Variants in ATAD2 observed in about 807,000 individuals in gnomAD.
The protein encoded by ATAD2 is ATPase family AAA domain containing 2.
A neutral mutation model predicts 168.9 loss-of-function variants in ATAD2; 62 were observed. The observed-to-expected ratio is 0.37, with a 90% confidence interval of 0.30 to 0.45. ATAD2 has a LOEUF of 0.45. ATAD2 is among the 20% of genes least tolerant of loss of function. ATAD2 has a pLI of 1.00. For missense variants in ATAD2, 1,419 were observed against 1,667.8 expected, an observed-to-expected ratio of 0.85 and a Z score of 2.60; for synonymous variants, 613 against 571.6, an observed-to-expected ratio of 1.07 and a Z score of -1.03.
chr8:123,329,990 T>C (rs1233608908), intron 24 of ATAD2, among the ~76,000 whole-genome samples: 6 of 140,748 alleles, frequency 4.3e-5, no homozygotes, highest in Non-Finnish European at 9.0e-5. Flanking sequence ...TCTTTTTTTT[T>C]TTTTTTTTTT....
intron 16 of ATAD2, 123 bp downstream of exon 16, chr8:123,346,969 G>C: frequency 8.3e-7 from 1 of 1,198,152 alleles, no homozygotes; most frequent in Non-Finnish European, 1.1e-6. Flanking sequence ...AAATATCCCA[G>C]GTAAAGCATT....
chr8:123,369,110 A>G lies in ATAD2; in HGVS notation c.997T>C (p.Tyr333His). 6.3e-7 allele frequency: 1 copy of G among 1,597,964 alleles called. No homozygotes were observed. Among genetic ancestry groups the G allele is most frequent in the South Asian group, 1.1e-5 (1 of 88,984 alleles). ...CTTGGTCCTGCGGAAGATAATCGGTATCTTGGTCTTGCAGGAGAAGCTGGG... is the reference window on the plus strand; with the variant it reads ...CTTGGTCCTGCGGAAGATAATCGGTGTCTTGGTCTTGCAGGAGAAGCTGGG... ...SGPASPARPR[Y>H]RLSSAGPRSP... The change falls in exon 8 of 28, where the codon TAC becomes CAC. Residue 333 changes from tyrosine to histidine, a missense_variant. Physicochemically the swap from Tyr to His is moderately conservative, Grantham distance 83 (BLOSUM62 2). Transcript: ENST00000287394.
At chr8:123,411,354 C>T (rs1225859695) in intron 1 of ATAD2, among the ~76,000 whole-genome samples, 2 of 152,166 alleles carry the variant, frequency 1.3e-5, no homozygotes, top group Admixed American at 1.3e-4. Flanking sequence ...ACAACCCCTA[C>T]TACGCCCCAA....
At position 123,349,394 on chromosome 8, in the gene ATAD2, C is replaced by T. The variant is rs755217431; in HGVS notation, c.1697G>A (p.Gly566Glu). 2 of 1,614,026 alleles carry T rather than the reference C, an allele frequency of 1.2e-6. No individual in the cohort carries two copies. The highest frequency in any genetic ancestry group is 3.3e-5 in the Admixed American group (2 of 59,996). Reference sequence around the variant, plus strand: ...CGTAGCACCAATGACCACAATTTCCCCTCTGCTGTCCAATCCATCCATAAG... The same window carrying T: ...CGTAGCACCAATGACCACAATTTCCTCTCTGCTGTCCAATCCATCCATAAG... ...LALMDGLDSRGEIVVIGATNR... is the reference protein window; with the variant it reads ...LALMDGLDSREEIVVIGATNR... Residue 566 changes from glycine to glutamate, a missense_variant, in exon 14 of 28, where the codon GGG (glycine) becomes GAG (glutamate). Physicochemically the swap from Gly to Glu is moderately conservative, Grantham distance 98. Coordinates refer to ENST00000287394, the MANE Select transcript of ATAD2 (RefSeq NM_014109.4).
At chr8:123,370,210 T>C (rs1235657593) in intron 6 of ATAD2, among the ~76,000 whole-genome samples, 186 bp from the exon 7 acceptor site, 1 of 150,392 alleles carries the variant, frequency 6.6e-6, no homozygotes, top group Non-Finnish European at 1.5e-5. Flanking sequence ...TTTGTAATTC[T>C]TTTCCAACAT....
chr8:123,328,241 C>T lies in ATAD2; in HGVS notation c.3817G>A (p.Asp1273Asn), dbSNP rs1827666095. The change falls in exon 25 of 28, where the codon GAT becomes AAT. Residue 1273 changes from aspartate (D) to asparagine (N), a missense_variant. Physicochemically the swap from Asp to Asn is conservative, Grantham distance 23 (BLOSUM62 1). Around this residue, in one of 5 missense-constraint regions of ATAD2, gnomAD observed 303 missense variants for 304.3 expected, o/e 1.00. Coordinates refer to ENST00000287394, the MANE Select transcript of ATAD2 (RefSeq NM_014109.4). ...ELRDKIACNG[D>N]ASSSQIIHIS... ...TGTATTATCTGAGAGCTAGAAGCATCTCCATTACAAGCAATCTTGTCTCTC... is the reference window on the plus strand; with the variant it reads ...TGTATTATCTGAGAGCTAGAAGCATTTCCATTACAAGCAATCTTGTCTCTC... 1.3e-6 allele frequency: 2 copies of T among 1,486,464 alleles called. No individual in the cohort carries two copies. Among genetic ancestry groups the T allele is most frequent in the African/African-American group, 1.4e-5 (1 of 70,248 alleles). 92.1% of individuals were successfully genotyped at this position (1,486,464 alleles called of 1,614,324 possible).
At chr8:123,342,646 A>G (rs1828096824) in intron 19 of ATAD2, 1 of 152,152 alleles carries the variant, frequency 6.6e-6, no homozygotes, top group African/African-American at 2.4e-5. Context: ...TAAACTGGAA[A>G]CCTTTAAGGA....
In ATAD2 at chr8:123,348,258, G is replaced by C; in HGVS notation, c.1822C>G (p.Leu608Val). Residue 608 changes from leucine to valine, a missense_variant, in exon 15 of 28, where the codon CTA becomes GTA. Around this residue, in one of 5 missense-constraint regions of ATAD2, gnomAD observed 545 missense variants for 724.9 expected, o/e 0.75. Transcript: ENST00000287394. ...LPDKEARKEI[L>V]KIHTRDWNPK... is the part of the protein sequence containing the mutation. ...TTCCAATCCCTGGTGTGAATCTTTA[G>C]AATCTCTTTTCGAGCCTATGAATAA... 6.3e-7 allele frequency: 1 copy of C among 1,595,558 alleles called. No homozygotes were observed.
intron 24 of ATAD2, among the ~76,000 whole-genome samples, chr8:123,329,775 A>AAAAATT (rs1554641633): frequency 1.5e-5 from 2 of 129,538 alleles, no homozygotes; most frequent in Non-Finnish European, 3.1e-5. Context: ...AAAAAAAAAA[A>AAAAATT]TTTTTCACTT....
In ATAD2 at chr8:123,361,524, C is replaced by T. The variant is rs1052007797; in HGVS notation, c.1157+15G>A. ...TGTGTCTGCTAGTTTAAAAAGGCAT[C>T]AATATGGCACTTACCTATTGATAGC... On this transcript the variant is annotated intron_variant, in intron 9 of 27. Transcript: ENST00000287394. 1 of 1,584,076 alleles carries T rather than the reference C, an allele frequency of 6.3e-7. No individual in the cohort carries two copies. Among genetic ancestry groups the T allele is most frequent in the African/African-American group, 1.3e-5 (1 of 74,366 alleles).
chr8:123,369,716 A>T, intron 7 of ATAD2, 105 bp downstream of exon 7: 1 of 1,012,034 alleles, frequency 9.9e-7, no homozygotes, highest in Non-Finnish European at 1.5e-6. Flanking sequence ...ATTCAACAAA[A>T]TGAAAATATG....
chr8:123,339,473 A>G lies in ATAD2; in HGVS notation c.2719-27T>C, dbSNP rs1490455929. 13 of 1,530,878 alleles carry G rather than the reference A, an allele frequency of 8.5e-6. No homozygotes were observed. In the Admixed American group the frequency reaches 1.6e-4, roughly 19 times the overall value. 94.8% of individuals were successfully genotyped at this position (1,530,878 alleles called of 1,614,324 possible). A position where few individuals can be genotyped will look rare whatever the true frequency, so the allele number is the denominator to read the frequency against. On this transcript the variant is annotated intron_variant, in intron 19 of 27. Transcript: ENST00000287394. ...TTAAAAAAGAAAATAAATGCAATAT[A>G]TATCATATATACAGATGATCCCCAA... is the stretch of plus-strand genomic sequence containing the variant.
chr8:123,406,026 A>G (rs945198954), intron 1 of ATAD2, among the ~76,000 whole-genome samples: 9 of 152,234 alleles, frequency 5.9e-5, no homozygotes, highest in Non-Finnish European at 1.2e-4. Context: ...GCAGAAACAC[A>G]GACAAAACTA....
chr8:123,325,353 G>C (rs1307925140), intron 26 of ATAD2, among the ~76,000 whole-genome samples: 1 of 151,716 alleles, frequency 6.6e-6, no homozygotes, highest in Non-Finnish European at 1.5e-5. Flanking sequence ...CACAACCTCG[G>C]CTCACTGCAA....
intron 13 of ATAD2, 70 bp downstream of exon 13, chr8:123,356,319 C>T (rs183687376): frequency 6.3e-6 from 8 of 1,274,232 alleles, no homozygotes; most frequent in Middle Eastern, 1.9e-4. Flanking sequence ...ATTTAACATT[C>T]TATCTCTCAC....
At chr8:123,396,125 G>T (rs1389815007) in intron 1 of ATAD2, 62 bp downstream of exon 1, 2 of 1,475,086 alleles carry the variant, frequency 1.4e-6, no homozygotes, top group East Asian at 2.6e-5. Context: ...CCCTCCGAGC[G>T]CCGGGCTGCC....
At chr8:123,415,134 A>C (rs1164950371) in intron 1 of ATAD2, among the ~76,000 whole-genome samples, 3 of 152,176 alleles carry the variant, frequency 2.0e-5, no homozygotes. Context: ...TTGTCTGAAA[A>C]AGACTGTATC....
In ATAD2 at chr8:123,356,451, A is replaced by C; in HGVS notation, c.1584T>G (p.Ile528Met). ...CCAGACCATCAATTTCGTCAAAAAAAATAATTGATGGGCGCATCTGATAGG... is the reference window on the plus strand; with the variant it reads ...CCAGACCATCAATTTCGTCAAAAAACATAATTGATGGGCGCATCTGATAGG... ...DQAYQMRPSI[I>M]FFDEIDGLAP... Residue 528 changes from isoleucine to methionine, a missense_variant, in exon 13 of 28, where the codon ATT becomes ATG. Transcript: ENST00000287394. The C allele has an allele frequency of 6.2e-7, 1 of 1,612,734 alleles. No homozygotes were observed. Among genetic ancestry groups the C allele is most frequent in the Non-Finnish European group, 8.5e-7 (1 of 1,179,224 alleles).
At chr8:123,396,517 ACGC>A, upstream of ATAD2, 1 of 710,842 alleles carries the variant, frequency 1.4e-6, no homozygotes, top group Non-Finnish European at 2.3e-6. Flanking sequence ...TGTCCCGCCC[ACGC>A]CACCACCGTA....
Sources: gnomAD v4.1 joint callset for allele counts (sites outside exome capture counted in the v4.1 genomes callset) on GRCh38, gnomAD v4.1.1 for gene constraint, gnomAD v4.1.1 regional missense constraint, MANE v1.5 for transcripts, NCBI Gene and HGNC (gene_info 2026-07-23, HGNC 2026-07-21) for gene names.